ACTL8: variants seen among roughly 807,000 people sequenced by gnomAD.
The protein encoded by ACTL8 is actin-like protein 8.
A neutral mutation model predicts 9.3 loss-of-function variants in ACTL8; 3 were observed. That is an observed-to-expected ratio of 0.32 (90% confidence interval 0.15 to 0.83). The LOEUF is 0.83. ACTL8 is among the 40% of genes least tolerant of loss of function. The probability of loss-of-function intolerance (pLI) is 0.57; values close to 1 mark genes in which losing one functional copy is unlikely to be tolerated. For missense variants in ACTL8, 381 were observed against 492.2 expected (o/e 0.77, Z 2.14); for synonymous variants, 224 against 205.9 (o/e 1.09, Z -0.75).
chr1:17,811,139 C>G (rs79683372), intron 1 of ACTL8, among the ~76,000 whole-genome samples: 1,993 of 152,310 alleles, frequency 0.013, 27 homozygotes, highest in Non-Finnish European at 0.022. Context: ...TCCTTGTTAG[C>G]TCTTGGTATT....
At chr1:17,763,873 G>T (rs1266715501) in intron 1 of ACTL8, among the ~76,000 whole-genome samples, 1 of 152,208 alleles carries the variant, frequency 6.6e-6, no homozygotes, top group African/African-American at 2.4e-5. Flanking sequence ...TGGAAACAGG[G>T]GTTGCGATGG....
intron 1 of ACTL8, among the ~76,000 whole-genome samples, chr1:17,781,345 A>AT: frequency 6.6e-6 from 1 of 150,822 alleles, no homozygotes; most frequent in African/African-American, 2.4e-5. Flanking sequence ...GGTTCAAGCG[A>AT]TTCTCCTTCC....
intron 1 of ACTL8, among the ~76,000 whole-genome samples, chr1:17,822,100 TATC>T (rs2053667280): frequency 6.6e-6 from 1 of 152,182 alleles, no homozygotes; most frequent in African/African-American, 2.4e-5. Flanking sequence ...TAGTCTCCCT[TATC>T]ATCAGGTGTT....
At chr1:17,769,719 C>T (rs753915735) in intron 1 of ACTL8, among the ~76,000 whole-genome samples, 24 of 152,282 alleles carry the variant, frequency 1.6e-4, no homozygotes, top group South Asian at 1.5e-3. Context: ...CTGGTGGGCA[C>T]GTGCTCAGCT....
At chr1:17,773,877 C>T (rs914730975) in intron 1 of ACTL8, among the ~76,000 whole-genome samples, 6 of 152,292 alleles carry the variant, frequency 3.9e-5, no homozygotes, top group South Asian at 2.1e-4. Flanking sequence ...TTCTACTTTG[C>T]GAAGGGAGGG....
chr1:17,817,945 A>T (rs1557447119), intron 1 of ACTL8, among the ~76,000 whole-genome samples: 1 of 151,990 alleles, frequency 6.6e-6, no homozygotes, highest in Non-Finnish European at 1.5e-5. Context: ...CAGGTGATCC[A>T]CCTGCCTTGG....
At chr1:17,794,345 C>T (rs2066262605) in intron 1 of ACTL8, among the ~76,000 whole-genome samples, 1 of 152,154 alleles carries the variant, frequency 6.6e-6, no homozygotes, top group Non-Finnish European at 1.5e-5. Context: ...GGATGACTAG[C>T]AACAATATCC....
intron 1 of ACTL8, among the ~76,000 whole-genome samples, chr1:17,813,600 TTTGC>T (rs2066407146): frequency 6.6e-6 from 1 of 152,220 alleles, no homozygotes; most frequent in African/African-American, 2.4e-5. Context: ...TTGTAATATC[TTTGC>T]TTTTGGTTCA....
intron 1 of ACTL8, among the ~76,000 whole-genome samples, 189 bp downstream of exon 1, chr1:17,755,693 G>C (rs898576985): frequency 3.9e-5 from 6 of 152,042 alleles, no homozygotes; most frequent in Admixed American, 3.9e-4. Context: ...CTCAGACCAA[G>C]GGCTTTTCCT....
At chr1:17,794,254 A>G (rs1251679482) in intron 1 of ACTL8, among the ~76,000 whole-genome samples, 1 of 152,196 alleles carries the variant, frequency 6.6e-6, no homozygotes, top group African/African-American at 2.4e-5. Flanking sequence ...AGTGGAGTGG[A>G]ATCACAGTAC....
chr1:17,780,757 G>A (rs1306511848), intron 1 of ACTL8, among the ~76,000 whole-genome samples: 1 of 148,784 alleles, frequency 6.7e-6, no homozygotes, highest in African/African-American at 2.5e-5. Context: ...GGGGGTGGGG[G>A]TGGGGAGGAT....
intron 1 of ACTL8, among the ~76,000 whole-genome samples, chr1:17,784,012 A>T (rs2066176816): frequency 6.6e-6 from 1 of 152,206 alleles, no homozygotes; most frequent in Admixed American, 6.5e-5. Context: ...TTAGTTGTCT[A>T]GTCTGTGATA....
At chr1:17,780,707 C>G (rs896102098) in intron 1 of ACTL8, among the ~76,000 whole-genome samples, 1 of 108,734 alleles carries the variant, frequency 9.2e-6, no homozygotes, top group African/African-American at 3.6e-5. Context: ...AGTCCTGAAT[C>G]GGGAACATTG....
At chr1:17,780,899 G>T (rs2066150554) in intron 1 of ACTL8, among the ~76,000 whole-genome samples, 1 of 152,176 alleles carries the variant, frequency 6.6e-6, no homozygotes, top group African/African-American at 2.4e-5. Flanking sequence ...ACTGGAGTCT[G>T]TGGTCTCTCT....
intron 1 of ACTL8, among the ~76,000 whole-genome samples, chr1:17,791,983 G>A (rs1456483283): frequency 6.6e-6 from 1 of 151,540 alleles, no homozygotes; most frequent in South Asian, 2.1e-4. Context: ...GGCATCCTTG[G>A]CTTGGGATCC....
At chr1:17,763,024 C>T (rs780551321) in intron 1 of ACTL8, among the ~76,000 whole-genome samples, 5 of 152,102 alleles carry the variant, frequency 3.3e-5, no homozygotes, top group Non-Finnish European at 5.9e-5. Flanking sequence ...AAGTGCTTAC[C>T]TTGCCGTGGC....
intron 1 of ACTL8, among the ~76,000 whole-genome samples, chr1:17,788,253 A>C (rs2066212418): frequency 6.6e-6 from 1 of 152,228 alleles, no homozygotes; most frequent in South Asian, 2.1e-4. Flanking sequence ...GTTTAAAAAA[A>C]ATCTGTGTCT....
rs761441930 is a variant in ACTL8 at position 17,823,379 on chromosome 1, C to A, written c.348+23C>A. ...GAGGTGAGGCCTGCCGGGGCCTGCT[C>A]CCACTCGGGAGCGGGAAACAGACTG... On this transcript the variant is annotated intron_variant, in intron 2 of 2. Coordinates refer to ENST00000375406, the MANE Select transcript of ACTL8 (RefSeq NM_030812.3). The surrounding 1 kb of genome is among the most constrained non-coding windows in gnomAD (Gnocchi z 5.3). 5 of 1,593,582 alleles carry A rather than the reference C, an allele frequency of 3.1e-6. No homozygotes were observed. The South Asian group carries it at 5.6e-5, about 18-fold the overall frequency.
chr1:17,784,796 A>C (rs1301167103), intron 1 of ACTL8, among the ~76,000 whole-genome samples: 1 of 152,236 alleles, frequency 6.6e-6, no homozygotes, highest in Non-Finnish European at 1.5e-5. Flanking sequence ...CAGATGAGAC[A>C]CAACATGGGC....
Sources: gnomAD v4.1 joint callset for allele counts (sites outside exome capture counted in the v4.1 genomes callset) on GRCh38, gnomAD v4.1.1 for gene constraint, Gnocchi (gnomAD v3.1) non-coding constraint, MANE v1.5 for transcripts, NCBI Gene and HGNC (gene_info 2026-07-23, HGNC 2026-07-21) for gene names.